Variants in ATR observed in about 807,000 individuals in gnomAD.
The protein encoded by ATR is ATR checkpoint kinase, also known as serine/threonine-protein kinase ATR.
A neutral mutation model predicts 305.3 loss-of-function variants in ATR; 142 were observed. The observed-to-expected ratio is 0.47, with a 90% CI of 0.41 to 0.53. The LOEUF (loss-of-function observed/expected upper bound fraction) is 0.53, where lower values mean the gene tolerates loss of function less well. Ranked by LOEUF, ATR falls within the 20% of genes least tolerant of loss-of-function variation. The probability of loss-of-function intolerance (pLI) is 0.00; values close to 1 mark genes in which losing one functional copy is unlikely to be tolerated. For missense variants in ATR, 2,135 were observed against 3,133.1 expected, an observed-to-expected ratio of 0.68 and a Z score of 7.60; for synonymous variants, 1,050 against 1,068.1, an observed-to-expected ratio of 0.98 and a Z score of 0.33.
intron 24 of ATR, among the ~76,000 whole-genome samples, chr3:142,518,168 T>C (rs2032988111): frequency 6.6e-6 from 1 of 152,144 alleles, no homozygotes; most frequent in African/African-American, 2.4e-5. Flanking sequence ...GGGGGAAGTA[T>C]GGAGTCCTCA....
chr3:142,504,854 C>T (rs2032156727), intron 29 of ATR, among the ~76,000 whole-genome samples: 1 of 152,102 alleles, frequency 6.6e-6, no homozygotes, highest in African/African-American at 2.4e-5. Context: ...TTTCCAGACA[C>T]TCAGTGACAC....
At chr3:142,493,868 T>TAA (rs138713659) in intron 34 of ATR, among the ~76,000 whole-genome samples, 35 of 139,670 alleles carry the variant, frequency 2.5e-4, no homozygotes, top group Admixed American at 1.9e-3. Flanking sequence ...TCCTCTCTCT[T>TAA]AAAAAAAAAA....
At chr3:142,502,258 A>G (rs959546365) in intron 30 of ATR, among the ~76,000 whole-genome samples, 3 of 152,232 alleles carry the variant, frequency 2.0e-5, no homozygotes, top group African/African-American at 7.2e-5. Context: ...AAAAAGATAC[A>G]TACACTCGTA....
intron 16 of ATR, among the ~76,000 whole-genome samples, chr3:142,546,861 T>C (rs759978522): frequency 1.3e-5 from 2 of 152,162 alleles, no homozygotes; most frequent in Non-Finnish European, 2.9e-5. Context: ...TTTCATGGAA[T>C]AGTGAGAAAA....
intron 24 of ATR, 60 bp downstream of exon 24, chr3:142,519,609 G>T (rs2033056202): frequency 7.0e-7 from 1 of 1,432,732 alleles, no homozygotes; most frequent in Non-Finnish European, 9.7e-7. Context: ...CAAAAAAATC[G>T]CATTATTTTT....
chr3:142,511,781 T>C (rs1421976977), intron 27 of ATR, among the ~76,000 whole-genome samples: 1 of 152,122 alleles, frequency 6.6e-6, no homozygotes, highest in Non-Finnish European at 1.5e-5. Flanking sequence ...ATTCACTGTT[T>C]TTTCTCAGTG....
intron 38 of ATR, among the ~76,000 whole-genome samples, chr3:142,468,582 A>G (rs918374174): frequency 6.6e-6 from 1 of 152,266 alleles, no homozygotes; most frequent in Non-Finnish European, 1.5e-5. Flanking sequence ...GTGAATTTTA[A>G]TTTTTGTTTT....
intron 1 of ATR, 90 bp from the exon 2 acceptor site, chr3:142,568,244 G>T (rs1354986589): frequency 1.1e-6 from 1 of 931,550 alleles, no homozygotes; most frequent in Non-Finnish European, 1.7e-6. Flanking sequence ...CATCAAATGT[G>T]TTCAGTGTCA....
chr3:142,553,623 A>T lies in ATR; in HGVS notation c.2633+17T>A, dbSNP rs1310667996. 6.3e-7 allele frequency: 1 copy of T among 1,579,906 alleles called. No individual in the cohort carries two copies. The highest frequency in any genetic ancestry group is 8.7e-7 in the Non-Finnish European group (1 of 1,152,630). Reference sequence around the variant, plus strand: ...GCCAAAATAAATAAGGAAGAACACAAATGCTGCCAAGTATACCTTCCAATA... The same window carrying T: ...GCCAAAATAAATAAGGAAGAACACATATGCTGCCAAGTATACCTTCCAATA... On this transcript the variant is annotated intron_variant, in intron 12 of 46. Coordinates refer to ENST00000350721, the MANE Select transcript of ATR (RefSeq NM_001184.4).
chr3:142,508,065 G>A lies in ATR; in HGVS notation c.4897C>T (p.Leu1633=), dbSNP rs4282075. Residue 1633 remains leucine (L), a synonymous_variant, in exon 28 of 47, where the codon CTA becomes TTA. Transcript: ENST00000350721. ...AGAGTATCCTGGGGTATGAGGTCTAGAAAACGGGTTACACTCTGATAGTCT... is the reference window on the plus strand; with the variant it reads ...AGAGTATCCTGGGGTATGAGGTCTAAAAAACGGGTTACACTCTGATAGTCT... The part of the protein sequence containing the change: ...YEDYQSVTRF[L]DLIPQDTLAV... 2.5e-6 allele frequency: 4 copies of A among 1,613,142 alleles called. 1 individual carries two copies. The Middle Eastern group carries it at 5.0e-4, about 200-fold the overall frequency.
chr3:142,485,949 C>T (rs1269162464), intron 35 of ATR, among the ~76,000 whole-genome samples: 1 of 152,176 alleles, frequency 6.6e-6, no homozygotes. Flanking sequence ...CATTTGAACT[C>T]TCTTCAATAT....
At chr3:142,463,588 G>A (rs1385216620) in intron 41 of ATR, among the ~76,000 whole-genome samples, 1 of 152,050 alleles carries the variant, frequency 6.6e-6, no homozygotes, top group African/African-American at 2.4e-5. Context: ...GTAGAGAAAG[G>A]TTTTTGCCAT....
rs752846659 is a variant in ATR at position 142,493,206 on chromosome 3, C to T, written c.6004G>A (p.Ala2002Thr). ...EGKNMLIHGR[A>T]MLLVGRFMEE... ...ATAAATCGGCCCACTAGTAGCATAG[C>T]TCGACCATGGATTAACATGTTCTTA... is the stretch of plus-strand genomic sequence containing the variant. The change falls in exon 35 of 47, where the codon GCT becomes ACT. Residue 2002 changes from alanine (A) to threonine (T), a missense_variant. Transcript: ENST00000350721. 20 of 1,613,666 alleles carry T rather than the reference C, an allele frequency of 1.2e-5. No homozygotes were observed. Among genetic ancestry groups the T allele is most frequent in the East Asian group, 2.2e-5 (1 of 44,864 alleles).
intron 1 of ATR, among the ~76,000 whole-genome samples, chr3:142,578,025 G>T (rs1203649357): frequency 6.6e-6 from 1 of 152,160 alleles, no homozygotes; most frequent in East Asian, 1.9e-4. Flanking sequence ...GGACCCAGGG[G>T]TCTATCTCTC....
intron 25 of ATR, among the ~76,000 whole-genome samples, chr3:142,514,746 T>TA (rs1188698617): frequency 1.4e-5 from 2 of 139,250 alleles, no homozygotes; most frequent in Non-Finnish European, 1.5e-5. Context: ...GGCGGAGACT[T>TA]ACAGTGAGCC....
chr3:142,458,873 A>T, intron 44 of ATR, 85 bp downstream of exon 44: 2 of 1,454,892 alleles, frequency 1.4e-6, no homozygotes, highest in South Asian at 2.4e-5. Flanking sequence ...AACTGCTACT[A>T]ACAGGTATGT....
intron 42 of ATR, among the ~76,000 whole-genome samples, chr3:142,459,826 G>A (rs1163246938): frequency 6.6e-6 from 1 of 152,102 alleles, no homozygotes; most frequent in African/African-American, 2.4e-5. Context: ...TTACCCAAGT[G>A]AAGCCTCTTA....
Position 142,480,453 on chromosome 3 carries a change from G to A in ATR, c.6221+4687C>T, listed in dbSNP as rs552938275. Among the ~76,000 whole-genome samples, 247 of 152,302 alleles carry A rather than the reference G, an allele frequency of 1.6e-3. 1 individual carries two copies. The highest frequency in any genetic ancestry group is 4.7e-3 in the African/African-American group (195 of 41,562). ...GTCTGATTGTTCCTCTGGAGGTTTC[G>A]TCTCAAAGGGGTACCCGGCCGTGTG... is the stretch of plus-strand genomic sequence containing the variant. On this transcript the variant is annotated intron_variant, in intron 36 of 46. Transcript: ENST00000350721.
At chr3:142,549,721 A>C in intron 14 of ATR, 48 bp from the exon 15 acceptor site, 1 of 1,562,690 alleles carries the variant, frequency 6.4e-7, no homozygotes, top group African/African-American at 1.4e-5. Context: ...GTCTGGGTGA[A>C]AAAAATATTC....
Sources: allele counts gnomAD v4.1 joint callset (sites outside exome capture counted in the v4.1 genomes callset), GRCh38; gene constraint gnomAD v4.1.1; transcripts MANE v1.5; gene names NCBI Gene and HGNC (gene_info 2026-07-23, HGNC 2026-07-21).